MDGA2: variants seen among roughly 807,000 people sequenced by gnomAD.
MDGA2 encodes the protein MAM domain containing glycosylphosphatidylinositol anchor 2.
Under a neutral mutation model 117.8 loss-of-function variants are expected in MDGA2, and 40 were observed. The ratio of observed to expected loss-of-function variants is 0.34; its 90% CI spans 0.26 to 0.44. MDGA2 has a LOEUF of 0.44. Among genes scored for constraint, MDGA2 ranks in the 20% least tolerant of loss-of-function variants. The pLI is 1.00. For missense variants in MDGA2, 1,123 were observed against 1,250.6 expected (o/e 0.90, Z 1.54); for synonymous variants, 452 against 439.0 (o/e 1.03, Z -0.37).
At chr14:47,507,945 A>G (rs376381638) in intron 1 of MDGA2, among the ~76,000 whole-genome samples, 5 of 152,216 alleles carry the variant, frequency 3.3e-5, no homozygotes, top group African/African-American at 9.7e-5. Context: ...GCTCATCCTC[A>G]TACATGAATC....
At position 46,959,942 on chromosome 14, in the gene MDGA2, A is replaced by G. The variant is rs115644995; in HGVS notation, c.1820-2299T>C. Among the ~76,000 whole-genome samples, 532 of 152,060 alleles carry G rather than the reference A, an allele frequency of 3.5e-3. 4 individuals carry two copies. The highest frequency in any genetic ancestry group is 0.012 in the African/African-American group (503 of 41,500). On this transcript the variant is annotated intron_variant, in intron 8 of 16. Coordinates refer to ENST00000399232, the MANE Select transcript of MDGA2 (RefSeq NM_001113498.3). ...TTTTAATAAAAAGTCTGTTGTACAT[A>G]GTTGGGCGTGGTGGCTCACACCTGT...
chr14:47,211,254 C>G (rs1885872296), intron 3 of MDGA2, among the ~76,000 whole-genome samples: 1 of 152,064 alleles, frequency 6.6e-6, no homozygotes, highest in Non-Finnish European at 1.5e-5. Flanking sequence ...TTTGGCCTTC[C>G]CTACTACTCT....
chr14:47,148,123 C>T (rs1325985710), intron 3 of MDGA2, among the ~76,000 whole-genome samples: 1 of 152,076 alleles, frequency 6.6e-6, no homozygotes, highest in Non-Finnish European at 1.5e-5. Context: ...GATAGTGACT[C>T]CTCTTGTCTG....
chr14:47,458,174 A>G (rs924635033), intron 1 of MDGA2, among the ~76,000 whole-genome samples: 1 of 152,030 alleles, frequency 6.6e-6, no homozygotes, highest in African/African-American at 2.4e-5. Flanking sequence ...TTTCTTATAT[A>G]TAGGATATGA....
At chr14:47,451,521 T>C (rs966682130) in intron 1 of MDGA2, among the ~76,000 whole-genome samples, 14 of 152,114 alleles carry the variant, frequency 9.2e-5, no homozygotes, top group African/African-American at 3.4e-4. Context: ...AGCTTCCTTC[T>C]AATCTTAACA....
intron 9 of MDGA2, among the ~76,000 whole-genome samples, chr14:46,922,949 GT>G (rs967694706): frequency 3.3e-5 from 5 of 152,168 alleles, no homozygotes; most frequent in Non-Finnish European, 7.3e-5. Context: ...TCTTATTATA[GT>G]TGACTTTTGT....
At chr14:46,907,157 A>C (rs2138468203) in intron 10 of MDGA2, among the ~76,000 whole-genome samples, 1 of 151,754 alleles carries the variant, frequency 6.6e-6, no homozygotes, top group East Asian at 2.0e-4. Context: ...TTGTATTTTT[A>C]GTAGAGACTG....
chr14:46,874,282 T>C (rs1032313166), intron 12 of MDGA2, 82 bp from the exon 13 acceptor site: 2 of 651,062 alleles, frequency 3.1e-6, no homozygotes, highest in African/African-American at 1.9e-5. Context: ...ATGTAAAATA[T>C]TACATAGCAA....
chr14:47,506,968 GGAA>G (rs1894526379), intron 1 of MDGA2, among the ~76,000 whole-genome samples: 1 of 151,396 alleles, frequency 6.6e-6, no homozygotes, highest in South Asian at 2.1e-4. Flanking sequence ...AGGAGGTAGT[GGAA>G]GAAGAGACAA....
intron 1 of MDGA2, among the ~76,000 whole-genome samples, chr14:47,484,584 T>C (rs1007669939): frequency 1.3e-5 from 2 of 152,162 alleles, no homozygotes; most frequent in African/African-American, 4.8e-5. Flanking sequence ...TGGAGATTTC[T>C]ACAGTCCAAA....
intron 3 of MDGA2, among the ~76,000 whole-genome samples, chr14:47,203,281 G>C (rs1217593878): frequency 3.3e-5 from 5 of 152,046 alleles, no homozygotes; most frequent in African/African-American, 1.2e-4. Context: ...AGGAGGGAGG[G>C]CCTATCGGGG....
chr14:47,382,412 C>A (rs1384149322), intron 1 of MDGA2, among the ~76,000 whole-genome samples: 1 of 152,168 alleles, frequency 6.6e-6, no homozygotes, highest in African/African-American at 2.4e-5. Context: ...TCAGACTGAA[C>A]AGGCAACCTA....
chr14:47,303,437 C>T (rs1023732138), intron 1 of MDGA2, among the ~76,000 whole-genome samples: 3 of 151,994 alleles, frequency 2.0e-5, no homozygotes, highest in Non-Finnish European at 2.9e-5. Context: ...TGTAATAATT[C>T]GTTTGGTTTT....
At chr14:47,119,608 T>G (rs1182004939) in intron 5 of MDGA2, among the ~76,000 whole-genome samples, 1 of 152,164 alleles carries the variant, frequency 6.6e-6, no homozygotes, top group Admixed American at 6.6e-5. Context: ...ACAAAGCCAC[T>G]AACATTACGG....
chr14:47,533,661 T>G (rs1895147975), intron 1 of MDGA2, among the ~76,000 whole-genome samples: 1 of 152,210 alleles, frequency 6.6e-6, no homozygotes, highest in South Asian at 2.1e-4. Flanking sequence ...ATTTTAAGAA[T>G]AGTGACCTCA....
At chr14:47,423,160 T>C (rs1474673691) in intron 1 of MDGA2, among the ~76,000 whole-genome samples, 1 of 152,224 alleles carries the variant, frequency 6.6e-6, no homozygotes, top group Non-Finnish European at 1.5e-5. Context: ...TGTATAATGA[T>C]ATATTAAATT....
At chr14:47,043,990 A>C (rs1446879375) in intron 7 of MDGA2, among the ~76,000 whole-genome samples, 1 of 152,010 alleles carries the variant, frequency 6.6e-6, no homozygotes, top group Non-Finnish European at 1.5e-5. Context: ...GTGCACTTAC[A>C]TATGTAACGA....
intron 1 of MDGA2, among the ~76,000 whole-genome samples, chr14:47,626,755 C>A (rs1244269992): frequency 6.6e-6 from 1 of 152,220 alleles, no homozygotes; most frequent in Admixed American, 6.5e-5. Flanking sequence ...CCCAGCGAGG[C>A]AGGGCTCGGG....
At chr14:47,154,079 A>T (rs1883270463) in intron 3 of MDGA2, among the ~76,000 whole-genome samples, 7 of 152,152 alleles carry the variant, frequency 4.6e-5, no homozygotes, top group Admixed American at 4.6e-4. Flanking sequence ...TAGTTAGGGG[A>T]GTAGAGGACA....
Sources: allele counts gnomAD v4.1 joint callset (sites outside exome capture counted in the v4.1 genomes callset), GRCh38; gene constraint gnomAD v4.1.1; transcripts MANE v1.5; gene names NCBI Gene and HGNC (gene_info 2026-07-23, HGNC 2026-07-21).